UNC13C: variants seen among roughly 807,000 people sequenced by gnomAD.
UNC13C encodes protein unc-13 homolog C.
A neutral mutation model predicts 245.4 loss-of-function variants in UNC13C; 174 were observed. The observed-to-expected ratio is 0.71, with a 90% CI of 0.63 to 0.80. The LOEUF (loss-of-function observed/expected upper bound fraction) is 0.80, where lower values mean the gene tolerates loss of function less well. Ranked by LOEUF, UNC13C falls within the 30% of genes least tolerant of loss-of-function variation. UNC13C has a pLI of 0.00. For missense variants in UNC13C, 2,829 were observed against 2,602.9 expected (o/e 1.09, Z -1.89); for synonymous variants, 992 against 895.1 (o/e 1.11, Z -1.93).
intron 19 of UNC13C, among the ~76,000 whole-genome samples, chr15:54,469,139 A>G (rs1892324312): frequency 6.6e-6 from 1 of 151,504 alleles, no homozygotes; most frequent in Non-Finnish European, 1.5e-5. Context: ...CAGTATACAG[A>G]TCTTTCACCT....
chr15:54,342,515 T>A (rs1328738993), intron 17 of UNC13C, among the ~76,000 whole-genome samples: 1 of 151,972 alleles, frequency 6.6e-6, no homozygotes, highest in Non-Finnish European at 1.5e-5. Flanking sequence ...GATCTATGAT[T>A]GCTCCACTGC....
chr15:54,115,518 C>T (rs979397813), intron 2 of UNC13C, among the ~76,000 whole-genome samples: 8 of 151,826 alleles, frequency 5.3e-5, no homozygotes, highest in Admixed American at 3.3e-4. Context: ...GATACATAAT[C>T]GAGGTACATA....
chr15:54,239,468 G>T (rs2035794006), intron 7 of UNC13C, among the ~76,000 whole-genome samples: 1 of 151,616 alleles, frequency 6.6e-6, no homozygotes, highest in African/African-American at 2.4e-5. Context: ...TTTATTTTTT[G>T]CAGACAGAGT....
At chr15:54,432,525 G>C (rs1430580272) in intron 19 of UNC13C, among the ~76,000 whole-genome samples, 1 of 151,930 alleles carries the variant, frequency 6.6e-6, no homozygotes. Context: ...AATTAAAGCA[G>C]AAATAAATTA....
intron 24 of UNC13C, among the ~76,000 whole-genome samples, chr15:54,517,381 C>T (rs1357309962): frequency 6.6e-6 from 1 of 152,152 alleles, no homozygotes; most frequent in Non-Finnish European, 1.5e-5. Context: ...TTGTTGCCTA[C>T]TTACATGTAG....
In UNC13C at chr15:54,024,537, T is replaced by C. The variant is rs372596974; in HGVS notation, c.2983+8651T>C. 4.0e-4 allele frequency among the ~76,000 whole-genome samples: 61 copies of C among 152,290 alleles called. 1 individual carries two copies. Among genetic ancestry groups the C allele is most frequent in the African/African-American group, 1.5e-3 (61 of 41,574 alleles). ...AAGATAGTAGCTTAGGTTGCCTCCA[T>C]AGGCTGTAAAACTGGACAGAGCTAA... On this transcript the variant is annotated intron_variant, in intron 2 of 32. Coordinates refer to ENST00000260323, the MANE Select transcript of UNC13C (RefSeq NM_001080534.3).
chr15:54,350,076 C>G (rs2038947254), intron 17 of UNC13C, among the ~76,000 whole-genome samples: 1 of 152,052 alleles, frequency 6.6e-6, no homozygotes, highest in African/African-American at 2.4e-5. Context: ...ACTGCAAGCT[C>G]CGCCTCCTGG....
chr15:54,231,059 T>G (rs778611943), intron 4 of UNC13C, among the ~76,000 whole-genome samples: 30 of 152,052 alleles, frequency 2.0e-4, no homozygotes, highest in Non-Finnish European at 4.3e-4. Context: ...TAAGTCTTTA[T>G]TCCTAAGAAG....
At chr15:54,164,897 T>G (rs2033112452) in intron 4 of UNC13C, among the ~76,000 whole-genome samples, 1 of 152,208 alleles carries the variant, frequency 6.6e-6, no homozygotes, top group African/African-American at 2.4e-5. Flanking sequence ...AGTTGGTTTA[T>G]CTATAGGTTT....
intron 26 of UNC13C, among the ~76,000 whole-genome samples, chr15:54,542,773 C>T (rs558825040): frequency 1.2e-4 from 18 of 151,990 alleles, no homozygotes; most frequent in African/African-American, 3.6e-4. Context: ...TTGTCTTTTT[C>T]GATCTTTGTT....
chr15:54,203,674 T>C (rs567560546), intron 4 of UNC13C, among the ~76,000 whole-genome samples: 3 of 148,656 alleles, frequency 2.0e-5, no homozygotes, highest in African/African-American at 7.3e-5. Flanking sequence ...ATTTTCTTTA[T>C]CCACTCGTGA....
chr15:54,323,575 G>T (rs1175979081), intron 14 of UNC13C, among the ~76,000 whole-genome samples: 3 of 151,980 alleles, frequency 2.0e-5, no homozygotes, highest in Admixed American at 1.3e-4. Flanking sequence ...TAAAATATGA[G>T]AATTTTGTCT....
chr15:54,621,723 G>A (rs1006246752), intron 30 of UNC13C, among the ~76,000 whole-genome samples: 28 of 152,168 alleles, frequency 1.8e-4, no homozygotes, highest in Admixed American at 5.2e-4. Context: ...GTGACATACT[G>A]TGATTTGAAT....
chr15:54,541,175 A>G (rs909782442), intron 26 of UNC13C, among the ~76,000 whole-genome samples: 1 of 152,200 alleles, frequency 6.6e-6, no homozygotes, highest in East Asian at 1.9e-4. Flanking sequence ...TTTTACATAC[A>G]CAGTGTTAGG....
chr15:54,365,435 T>C (rs1247265618), intron 17 of UNC13C, among the ~76,000 whole-genome samples: 1 of 152,006 alleles, frequency 6.6e-6, no homozygotes, highest in Non-Finnish European at 1.5e-5. Flanking sequence ...ACATATTCAG[T>C]CTATACAACT....
At position 54,149,864 on chromosome 15, in the gene UNC13C, A is replaced by G. The variant is rs1197824094; in HGVS notation, c.3071+6180A>G. Among the ~76,000 whole-genome samples the G allele has an allele frequency of 2.0e-5, 3 of 152,242 alleles. No individual in the cohort carries two copies. In the East Asian group the frequency reaches 5.8e-4, roughly 29 times the overall value. On this transcript the variant is annotated intron_variant, in intron 4 of 32. Transcript: ENST00000260323. ...AATACAAGATCACAACTGTTAATGT[A>G]GCATTTACATTGTATTTGGTCATGT... is the stretch of plus-strand genomic sequence containing the variant.
At chr15:54,094,391 G>A (rs1256395897) in intron 2 of UNC13C, among the ~76,000 whole-genome samples, 1 of 152,112 alleles carries the variant, frequency 6.6e-6, no homozygotes, top group East Asian at 1.9e-4. Flanking sequence ...TGGAGGACCT[G>A]TTTTAATACT....
chr15:54,243,308 A>G (rs1267065152), intron 7 of UNC13C, among the ~76,000 whole-genome samples: 1 of 152,204 alleles, frequency 6.6e-6, no homozygotes, highest in Non-Finnish European at 1.5e-5. Context: ...TACAAAGGAC[A>G]TGATCTAATT....
intron 13 of UNC13C, among the ~76,000 whole-genome samples, chr15:54,316,962 G>GT: frequency 6.6e-6 from 1 of 151,900 alleles, no homozygotes. Context: ...TGAAGACTAT[G>GT]TTTTAATCAA....
Sources: allele counts gnomAD v4.1 joint callset (sites outside exome capture counted in the v4.1 genomes callset), GRCh38; gene constraint gnomAD v4.1.1; transcripts MANE v1.5; gene names NCBI Gene and HGNC (gene_info 2026-07-23, HGNC 2026-07-21).